CDK14: variants seen among roughly 807,000 people sequenced by gnomAD.
The protein encoded by CDK14 is cyclin-dependent kinase 14.
CDK14 carries 34 observed loss-of-function variants against 60.7 expected under a neutral mutation model. The ratio of observed to expected loss-of-function variants is 0.56; its 90% CI spans 0.43 to 0.75. The LOEUF is 0.75. CDK14 is among the 30% of genes least tolerant of loss of function. CDK14 has a pLI of 0.00. For missense variants in CDK14, 482 were observed against 564.1 expected, an observed-to-expected ratio of 0.85 and a Z score of 1.47; for synonymous variants, 197 against 203.7, an observed-to-expected ratio of 0.97 and a Z score of 0.28.
At chr7:90,664,627 A>C (rs1430624324) in intron 2 of CDK14, among the ~76,000 whole-genome samples, 1 of 152,308 alleles carries the variant, frequency 6.6e-6, no homozygotes, top group African/African-American at 2.4e-5. Flanking sequence ...TGATGAGTTC[A>C]TGTCCTTTGT....
In CDK14 at chr7:91,069,111, T is replaced by C. The variant is rs1798062245; in HGVS notation, c.1106-10321T>C. ...AATGAATGAATAAATAATTGCATAG[T>C]GTTTAAAGATAGGAAACTGAGTGTG... On this transcript the variant is annotated intron_variant, in intron 11 of 14. Transcript: ENST00000380050. Among the ~76,000 whole-genome samples the C allele has an allele frequency of 2.6e-5, 4 of 152,356 alleles. No individual in the cohort carries two copies. In the South Asian group the frequency reaches 6.2e-4, roughly 24 times the overall value.
At chr7:90,719,311 A>C (rs1802362042) in intron 2 of CDK14, among the ~76,000 whole-genome samples, 1 of 152,128 alleles carries the variant, frequency 6.6e-6, no homozygotes. Context: ...AACAGTGTGG[A>C]GTGAAGTAGT....
chr7:90,847,788 C>G lies in CDK14; in HGVS notation c.545-15387C>G, dbSNP rs190528373. On this transcript the variant is annotated intron_variant, in intron 5 of 14. Transcript: ENST00000380050. Reference sequence around the variant, plus strand: ...CTGTTTATGAAGAACATTGAAATGACCATTCTTATTAATGTGTCTTTGCTT... The same window carrying G: ...CTGTTTATGAAGAACATTGAAATGAGCATTCTTATTAATGTGTCTTTGCTT... Among the ~76,000 whole-genome samples, 137 of 152,200 alleles carry G rather than the reference C, an allele frequency of 9.0e-4. 1 individual carries two copies. Among genetic ancestry groups the G allele is most frequent in the African/African-American group, 3.2e-3 (134 of 41,516 alleles).
At chr7:91,139,815 T>TTTCTTTC (rs376725946) in intron 14 of CDK14, among the ~76,000 whole-genome samples, 11 of 132,270 alleles carry the variant, frequency 8.3e-5, no homozygotes, top group African/African-American at 1.3e-4. Context: ...TCTTTCTTTC[T>TTTCTTTC]TTTCTTTTCT....
chr7:90,811,846 A>T (rs1201145264), intron 5 of CDK14, among the ~76,000 whole-genome samples: 2 of 152,166 alleles, frequency 1.3e-5, no homozygotes, highest in Non-Finnish European at 2.9e-5. Context: ...CTTTTGTACA[A>T]CCAAAAGACA....
chr7:91,133,143 G>A (rs1800168674), intron 14 of CDK14, among the ~76,000 whole-genome samples: 1 of 152,106 alleles, frequency 6.6e-6, no homozygotes, highest in African/African-American at 2.4e-5. Context: ...TAAAAGAAAT[G>A]TTTAAGAATT....
intron 6 of CDK14, among the ~76,000 whole-genome samples, chr7:90,886,233 T>C (rs985866691): frequency 1.3e-5 from 2 of 152,190 alleles, no homozygotes; most frequent in African/African-American, 4.8e-5. Flanking sequence ...AGCACAAGTA[T>C]GTTTTCTTTT....
At chr7:91,142,614 A>G (rs1800502751) in intron 14 of CDK14, among the ~76,000 whole-genome samples, 1 of 152,220 alleles carries the variant, frequency 6.6e-6, no homozygotes, top group Non-Finnish European at 1.5e-5. Flanking sequence ...CTGAGAACTC[A>G]TAATAATTGT....
At chr7:90,908,823 G>C (rs896301089) in intron 7 of CDK14, among the ~76,000 whole-genome samples, 3 of 152,108 alleles carry the variant, frequency 2.0e-5, no homozygotes, top group African/African-American at 7.2e-5. Flanking sequence ...TTCACAAGTT[G>C]TTAAATGTTA....
chr7:91,138,868 G>C (rs923020388), intron 14 of CDK14, among the ~76,000 whole-genome samples: 1 of 152,100 alleles, frequency 6.6e-6, no homozygotes, highest in Non-Finnish European at 1.5e-5. Flanking sequence ...TGGAAACAGG[G>C]ACTCCAGCAG....
chr7:90,779,428 T>A (rs1287513760), intron 4 of CDK14, among the ~76,000 whole-genome samples: 1 of 152,074 alleles, frequency 6.6e-6, no homozygotes, highest in Non-Finnish European at 1.5e-5. Context: ...ATTTTTTAAA[T>A]TTTTGTAGGG....
chr7:91,146,427 A>G (rs535411925), intron 14 of CDK14, among the ~76,000 whole-genome samples: 2 of 148,932 alleles, frequency 1.3e-5, no homozygotes, highest in East Asian at 2.4e-4. Flanking sequence ...TCTTGAACTC[A>G]TGACCTCAGG....
At chr7:90,779,222 C>T (rs1338450540) in intron 4 of CDK14, among the ~76,000 whole-genome samples, 1 of 152,060 alleles carries the variant, frequency 6.6e-6, no homozygotes, top group Non-Finnish European at 1.5e-5. Context: ...CATTGTACTC[C>T]AGCCTGGGCA....
intron 6 of CDK14, among the ~76,000 whole-genome samples, chr7:90,880,669 G>A (rs1185348336): frequency 6.6e-6 from 1 of 152,104 alleles, no homozygotes; most frequent in Non-Finnish European, 1.5e-5. Flanking sequence ...CTATACAGGA[G>A]TGGTCCTACT....
intron 14 of CDK14, among the ~76,000 whole-genome samples, chr7:91,136,031 A>C (rs1344899755): frequency 6.6e-6 from 1 of 152,194 alleles, no homozygotes; most frequent in African/African-American, 2.4e-5. Context: ...AAAATGAGGC[A>C]GATAAAAACT....
chr7:90,726,735 A>C lies in CDK14; in HGVS notation c.292A>C (p.Asn98His), dbSNP rs771189909. 9.3e-6 allele frequency: 15 copies of C among 1,613,844 alleles called. No individual in the cohort carries two copies. Among genetic ancestry groups the C allele is most frequent in the Non-Finnish European group, 1.3e-5 (15 of 1,179,832 alleles). Reference sequence around the variant, plus strand: ...AGTAAAGAGGGTGCATTCTGAGAACAATGCTTGCATTAACTTTAAGACCTC... The same window carrying C: ...AGTAAAGAGGGTGCATTCTGAGAACCATGCTTGCATTAACTTTAAGACCTC... ...NQVKRVHSEN[N>H]ACINFKTSST... Residue 98 changes from asparagine to histidine, a missense_variant, in exon 3 of 15, where the codon AAT becomes CAT. Coordinates refer to ENST00000380050, the MANE Select transcript of CDK14 (RefSeq NM_001287135.2).
chr7:90,600,333 A>G (rs1433903913), intron 1 of CDK14, among the ~76,000 whole-genome samples: 1 of 151,940 alleles, frequency 6.6e-6, no homozygotes, highest in African/African-American at 2.4e-5. Context: ...TTTCTTTTTT[A>G]TTTTTGAATG....
intron 2 of CDK14, among the ~76,000 whole-genome samples, chr7:90,653,841 C>T (rs368819610): frequency 1.3e-5 from 2 of 152,142 alleles, no homozygotes; most frequent in East Asian, 3.9e-4. Context: ...TGACAGGCCC[C>T]AGTGTGTGAT....
chr7:91,120,651 C>T lies in CDK14; in HGVS notation c.*28+2443C>T, dbSNP rs186462508. The stretch of plus-strand genomic sequence containing the variant: ...GCCTGGGTTCAAGCAATTCTCCTGC[C>T]TCAGCCTCCCAAGTAGCTGGGATTA... On this transcript the variant is annotated intron_variant, in intron 14 of 14. Transcript: ENST00000380050. 4.2e-3 allele frequency among the ~76,000 whole-genome samples: 641 copies of T among 152,158 alleles called. 5 individuals carry two copies. Among genetic ancestry groups the T allele is most frequent in the South Asian group, 0.021 (102 of 4,814 alleles).
Sources: allele counts gnomAD v4.1 joint callset (sites outside exome capture counted in the v4.1 genomes callset), GRCh38; gene constraint gnomAD v4.1.1; transcripts MANE v1.5; gene names NCBI Gene and HGNC (gene_info 2026-07-23, HGNC 2026-07-21).